The following MAEL variants were observed in gnomAD, a reference collection of about 807,000 sequenced individuals.
MAEL encodes maelstrom spermatogenic transposon silencer.
A neutral mutation model predicts 62.0 loss-of-function variants in MAEL; 46 were observed. The observed-to-expected ratio is 0.74, with a 90% confidence interval of 0.59 to 0.95. The LOEUF is 0.95. Among genes scored for constraint, MAEL ranks in the 40% least tolerant of loss-of-function variants. MAEL has a pLI of 0.00. For missense variants in MAEL, 497 were observed against 526.8 expected, an observed-to-expected ratio of 0.94 and a Z score of 0.55; for synonymous variants, 172 against 175.5, an observed-to-expected ratio of 0.98 and a Z score of 0.16.
Position 167,005,401 on chromosome 1 carries a change from T to G in MAEL, c.845+4T>G. 6.3e-7 allele frequency: 1 copy of G among 1,585,282 alleles called. No homozygotes were observed. Among genetic ancestry groups the G allele is most frequent in the Non-Finnish European group, 8.6e-7 (1 of 1,166,786 alleles). The stretch of plus-strand genomic sequence containing the variant: ...GGGATTATTCTAGCAACACAAGGTA[T>G]TGCTAGCATTTTTGTTTTAGAGTCA... On this transcript the variant is annotated splice_donor_region_variant and intron_variant, in intron 8 of 11. Transcript: ENST00000367872.
chr1:166,990,256 T>C (rs556371608), intron 2 of MAEL: 3 of 154,470 alleles, frequency 1.9e-5, no homozygotes, highest in African/African-American at 7.2e-5. Context: ...TTTAGCAAAA[T>C]ATACCATTCT....
At chr1:166,985,222 G>A (rs893520844), upstream of MAEL, among the ~76,000 whole-genome samples, 3 of 152,178 alleles carry the variant, frequency 2.0e-5, no homozygotes, top group Admixed American at 6.5e-5. Context: ...AGAGCCCAGT[G>A]GAGTCTCCTT....
chr1:167,020,989 G>T, intron 10 of MAEL, 96 bp from the exon 11 acceptor site: 1 of 904,494 alleles, frequency 1.1e-6, no homozygotes, highest in South Asian at 1.5e-5. Flanking sequence ...GTGTTAGTTT[G>T]CATTTTTAAA....
rs577914172 is a variant in MAEL at position 167,000,142 on chromosome 1, AAT to A, written c.524-4035_524-4034del. Among the ~76,000 whole-genome samples the A allele has an allele frequency of 2.4e-3, 360 of 152,326 alleles. 1 individual carries two copies. The highest frequency in any genetic ancestry group is 8.2e-3 in the African/African-American group (343 of 41,582). ...AACTTTCAAGTCTTATTATTTAAGA[AAT>A]ATGTTTTATAAGGCTATAGCTGTCA... On this transcript the variant is annotated intron_variant, in intron 5 of 11. Transcript: ENST00000367872.
chr1:166,995,352 T>C (rs527934924), intron 5 of MAEL, among the ~76,000 whole-genome samples: 1 of 152,118 alleles, frequency 6.6e-6, no homozygotes, highest in South Asian at 2.1e-4. Flanking sequence ...GCAATTCTCC[T>C]GCCTCGCCTC....
At chr1:166,985,565 T>C (rs564813943), upstream of MAEL, among the ~76,000 whole-genome samples, 2 of 152,288 alleles carry the variant, frequency 1.3e-5, no homozygotes, top group Admixed American at 6.5e-5. Context: ...AGATGTTATA[T>C]CAGTAGAGGA....
intron 8 of MAEL, 176 bp downstream of exon 8, chr1:167,005,573 C>G: frequency 1.9e-6 from 1 of 518,800 alleles, no homozygotes. Flanking sequence ...TTGTGTATCA[C>G]TAAAAACAAA....
chr1:167,016,177 C>T (rs1213222928), intron 8 of MAEL, 45 bp from the exon 9 acceptor site: 1 of 1,509,282 alleles, frequency 6.6e-7, no homozygotes, highest in Non-Finnish European at 9.2e-7. Context: ...AACCTTTAAG[C>T]AGTGCTACTT....
intron 10 of MAEL, among the ~76,000 whole-genome samples, chr1:167,018,915 A>G (rs899908062): frequency 1.3e-5 from 2 of 152,154 alleles, no homozygotes; most frequent in African/African-American, 4.8e-5. Context: ...ATGGCTCTGT[A>G]TCCTGATTGT....
In MAEL at chr1:167,005,265, A is replaced by G. The variant is rs1335168673; in HGVS notation, c.713A>G (p.Gln238Arg). The change falls in exon 8 of 12, where the codon CAA becomes CGA. Residue 238 changes from glutamine (Q) to arginine (R), a missense_variant. Gln to Arg is a conservative substitution (Grantham distance 43). Transcript: ENST00000367872. ...KHMAKASEIRQDLQLLTVEDL... is the reference protein window; with the variant it reads ...KHMAKASEIRRDLQLLTVEDL... The stretch of plus-strand genomic sequence containing the variant: ...CATTTACTAATGGAAGAAATCAGGC[A>G]AGATCTACAACTTCTCACTGTAGAG... 2.5e-6 allele frequency: 4 copies of G among 1,612,430 alleles called. No individual in the cohort carries two copies. The highest frequency in any genetic ancestry group is 1.3e-5 in the African/African-American group (1 of 74,886).
rs747058374 is a variant in MAEL at position 166,989,312 on chromosome 1, G to T, written c.-41G>T. The T allele has an allele frequency of 2.1e-5, 34 of 1,594,106 alleles. No individual in the cohort carries two copies. Among genetic ancestry groups the T allele is most frequent in the Middle Eastern group, 1.7e-4 (1 of 6,006 alleles). On this transcript the variant is annotated 5_prime_UTR_variant, in exon 1 of 12. Coordinates refer to ENST00000367872, the MANE Select transcript of MAEL (RefSeq NM_032858.3). ...GCGGGAGCCCGGCGAGGGCGCCGGT[G>T]CTTTGTTCTGTCTGAGGCCAGGAAG...
intron 1 of MAEL, among the ~76,000 whole-genome samples, chr1:166,983,033 C>T (rs1186611000): frequency 6.6e-6 from 1 of 152,162 alleles, no homozygotes; most frequent in Non-Finnish European, 1.5e-5. Context: ...TTGCTATTCC[C>T]TTATCTTACA....
intron 8 of MAEL, among the ~76,000 whole-genome samples, chr1:167,011,901 T>G (rs1557985462): frequency 6.6e-6 from 1 of 152,134 alleles, no homozygotes; most frequent in Non-Finnish European, 1.5e-5. Flanking sequence ...TTCAGCAGAG[T>G]AGCTATACTC....
At chr1:167,017,733 C>A in intron 9 of MAEL, 94 bp from the exon 10 acceptor site, 1 of 1,204,370 alleles carries the variant, frequency 8.3e-7, no homozygotes, top group Non-Finnish European at 1.1e-6. Flanking sequence ...AACAGTACCT[C>A]AGATGCTTTC....
upstream of MAEL, among the ~76,000 whole-genome samples, chr1:166,987,318 A>G (rs1663953027): frequency 6.6e-6 from 1 of 152,164 alleles, no homozygotes; most frequent in Admixed American, 6.5e-5. Context: ...CTTTCACTCA[A>G]CAAAATTTCA....
chr1:167,013,544 GCT>G (rs1169888035), intron 8 of MAEL, among the ~76,000 whole-genome samples: 1 of 152,120 alleles, frequency 6.6e-6, no homozygotes, highest in Non-Finnish European at 1.5e-5. Flanking sequence ...TCTGCAAAGT[GCT>G]CTGTCTTTCT....
Position 167,021,680 on chromosome 1 carries a change from C to G in MAEL, c.1130C>G (p.Ser377Cys). 6.2e-7 allele frequency: 1 copy of G among 1,605,294 alleles called. No individual in the cohort carries two copies. The highest frequency in any genetic ancestry group is 1.1e-5 in the South Asian group (1 of 88,922). ...RSNTPIGDYP[S>C]RAKISGQNSS... Reference sequence around the variant, plus strand: ...TTCAATATCCTAGGTGACTACCCATCTAGGGCAAAAATTTCTGGCCAAAAC... The same window carrying G: ...TTCAATATCCTAGGTGACTACCCATGTAGGGCAAAAATTTCTGGCCAAAAC... Residue 377 changes from serine to cysteine, a missense_variant, in exon 12 of 12, where the codon TCT becomes TGT. Coordinates refer to ENST00000367872, the MANE Select transcript of MAEL (RefSeq NM_032858.3).
chr1:167,008,652 A>C (rs1665033756), intron 8 of MAEL, among the ~76,000 whole-genome samples: 1 of 151,974 alleles, frequency 6.6e-6, no homozygotes. Context: ...GGGGGCTGGA[A>C]ATGTAATTTA....
intron 8 of MAEL, among the ~76,000 whole-genome samples, chr1:167,008,620 T>A (rs1665032280): frequency 6.6e-6 from 1 of 152,018 alleles, no homozygotes. Flanking sequence ...TCTTTGTATG[T>A]TGTTGTTCTT....
Sources: allele counts gnomAD v4.1 joint callset (sites outside exome capture counted in the v4.1 genomes callset), GRCh38; gene constraint gnomAD v4.1.1; transcripts MANE v1.5; gene names NCBI Gene and HGNC (gene_info 2026-07-23, HGNC 2026-07-21).